MFSD11: variants seen among roughly 807,000 people sequenced by gnomAD.
MFSD11 encodes major facilitator superfamily domain containing 11.
In MFSD11, 36 loss-of-function variants were observed where a neutral mutation model predicts 53.5. The observed-to-expected ratio is 0.67, with a 90% CI of 0.52 to 0.89. MFSD11 has a LOEUF of 0.89. Among genes scored for constraint, MFSD11 ranks in the 40% least tolerant of loss-of-function variants. The pLI, the probability that MFSD11 is intolerant of heterozygous loss-of-function variation, is 0.00. For missense variants in MFSD11, 530 were observed against 543.9 expected (o/e 0.97, Z 0.25); for synonymous variants, 186 against 184.9 (o/e 1.01, Z -0.05).
chr17:76,757,374 C>T (rs925506427), intron 8 of MFSD11, among the ~76,000 whole-genome samples: 6 of 152,126 alleles, frequency 3.9e-5, no homozygotes, highest in African/African-American at 1.4e-4. Context: ...GACTCAGGGG[C>T]CAGTTCCTGG....
chr17:76,778,217 C>T lies in MFSD11; in HGVS notation c.1215C>T (p.Tyr405=), dbSNP rs145670401. ...TTTGCGCAGCCGTGGCATTTTTCTA[C>T]AGCAACTACCTTCTCCTTCACTGGC... ...QSICAAVAFF[Y]SNYLLLHWQL... is the part of the protein sequence containing the mutation. Residue 405 remains tyrosine, a synonymous_variant, in exon 13 of 13, where the codon TAC becomes TAT. Transcript: ENST00000685175. The T allele has an allele frequency of 2.5e-6, 4 of 1,614,206 alleles. No homozygotes were observed. In the African/African-American group the frequency reaches 4.0e-5, roughly 16 times the overall value.
chr17:76,777,748 A>G (rs2081977942), intron 12 of MFSD11, among the ~76,000 whole-genome samples: 1 of 152,180 alleles, frequency 6.6e-6, no homozygotes. Context: ...CCTTCCTTAG[A>G]TACCAGAATT....
In MFSD11 at chr17:76,778,743, C is replaced by T. The variant is rs685441; in HGVS notation, c.*391C>T. ...TTTCTGGATATGGAGTATGTTTTGC[C>T]ATGTAATAATGGGAAGCATATGTCA... On this transcript the variant is annotated 3_prime_UTR_variant, in exon 13 of 13. Transcript: ENST00000685175. The T allele has an allele frequency of 0.88, 146,415 of 166,898 alleles. 65,227 individuals are homozygous for T. Among genetic ancestry groups the T allele is most frequent in the African/African-American group, 0.97 (40,653 of 41,880 alleles). 10.3% of individuals were successfully genotyped at this position (166,898 alleles called of 1,614,324 possible).
chr17:76,768,334 A>G lies in MFSD11; in HGVS notation c.748+883A>G, dbSNP rs182922334. Among the ~76,000 whole-genome samples the G allele has an allele frequency of 5.1e-3, 779 of 151,560 alleles. 1 individual carries two copies. Among genetic ancestry groups the G allele is most frequent in the Non-Finnish European group, 8.4e-3 (572 of 67,896 alleles). Reference sequence around the variant, plus strand: ...AAAAAAAAAAAAAAAAGTCATTTCTAATGAAATAGAAGCATGTCATAATGT... The same window carrying G: ...AAAAAAAAAAAAAAAAGTCATTTCTGATGAAATAGAAGCATGTCATAATGT... On this transcript the variant is annotated intron_variant, in intron 9 of 12. Transcript: ENST00000685175.
chr17:76,771,062 T>C (rs1170811629), intron 10 of MFSD11, among the ~76,000 whole-genome samples: 1 of 152,172 alleles, frequency 6.6e-6, no homozygotes, highest in Non-Finnish European at 1.5e-5. Flanking sequence ...AAAACAATCA[T>C]TGGCCATTGG....
Position 76,741,046 on chromosome 17 carries a change from C to T in MFSD11, c.242C>T (p.Ala81Val), listed in dbSNP as rs2144094507. 2 of 1,606,498 alleles carry T rather than the reference C, an allele frequency of 1.2e-6. No homozygotes were observed. Among genetic ancestry groups the T allele is most frequent in the South Asian group, 2.2e-5 (2 of 90,886 alleles). The change falls in exon 3 of 13, where the codon GCC becomes GTC. Residue 81 changes from alanine (A) to valine (V), a missense_variant. By Grantham distance (64) the Ala-to-Val change is moderately conservative. Coordinates refer to ENST00000685175, the MANE Select transcript of MFSD11 (RefSeq NM_001242532.5). ...AIVGPQLSMF[A>V]SGLFYSMYIA... ...GTAGGACCTCAACTCTCTATGTTTG[C>T]CAGTGGTTTATTTTACAGGTAAGTA...
intron 8 of MFSD11, among the ~76,000 whole-genome samples, chr17:76,759,612 G>T (rs1034213685): frequency 1.3e-5 from 2 of 151,992 alleles, no homozygotes; most frequent in African/African-American, 4.8e-5. Context: ...GTAACACCAT[G>T]CCTGGCTAAT....
chr17:76,746,296 A>G (rs142338787), intron 7 of MFSD11, among the ~76,000 whole-genome samples: 1,711 of 152,342 alleles, frequency 0.011, 26 homozygotes, highest in Middle Eastern at 0.017. Flanking sequence ...ATTTGAAGCT[A>G]GCAGAGGTTG....
chr17:76,765,452 CTTTTTTTTTTTTTT>C (rs59878271), intron 8 of MFSD11, among the ~76,000 whole-genome samples: 6 of 91,498 alleles, frequency 6.6e-5, no homozygotes, highest in African/African-American at 1.4e-4. Context: ...CTTGAATTTC[CTTTTTTTTTTTTTT>C]TTTTTTTTTT....
intron 2 of MFSD11, among the ~76,000 whole-genome samples, chr17:76,739,960 A>C (rs2077896406): frequency 6.6e-6 from 1 of 151,770 alleles, no homozygotes; most frequent in African/African-American, 2.4e-5. Context: ...AGGTCAGGAG[A>C]TCTAGACCAT....
In MFSD11 at chr17:76,778,363, G is replaced by T. The variant is rs762068876; in HGVS notation, c.*11G>T. On this transcript the variant is annotated 3_prime_UTR_variant, in exon 13 of 13. Coordinates refer to ENST00000685175, the MANE Select transcript of MFSD11 (RefSeq NM_001242532.5). The stretch of plus-strand genomic sequence containing the variant: ...TACCGAAGTATCTGATCTGGTGTCC[G>T]TGAGGGGACACGTATGACCTCAGAA... 7 of 1,613,508 alleles carry T rather than the reference G, an allele frequency of 4.3e-6. No homozygotes were observed. Among genetic ancestry groups the T allele is most frequent in the South Asian group, 1.1e-5 (1 of 91,068 alleles).
At chr17:76,745,854 G>A (rs2078494750) in intron 7 of MFSD11, among the ~76,000 whole-genome samples, 1 of 151,658 alleles carries the variant, frequency 6.6e-6, no homozygotes, top group Admixed American at 6.6e-5. Flanking sequence ...TTGAGACGGA[G>A]TCTCGCTCTG....
At chr17:76,759,856 C>G (rs558791746) in intron 8 of MFSD11, among the ~76,000 whole-genome samples, 1 of 140,052 alleles carries the variant, frequency 7.1e-6, no homozygotes, top group Non-Finnish European at 1.5e-5. Context: ...CTCAAGTGAT[C>G]CACCCACCCG....
At chr17:76,768,512 C>T (rs2081079202) in intron 9 of MFSD11, among the ~76,000 whole-genome samples, 1 of 152,074 alleles carries the variant, frequency 6.6e-6, no homozygotes, top group South Asian at 2.1e-4. Flanking sequence ...CATTAAACAT[C>T]TTTAAAATTC....
At chr17:76,758,009 CA>C (rs566815395) in intron 8 of MFSD11, among the ~76,000 whole-genome samples, 3 of 136,652 alleles carry the variant, frequency 2.2e-5, no homozygotes, top group African/African-American at 2.7e-5. Flanking sequence ...GACTGTGTCT[CA>C]AAAAAAAAAC....
chr17:76,775,012 G>A lies in MFSD11; in HGVS notation c.890G>A (p.Gly297Asp). ...TGACTTATAGGTGGAAGCCTCTTCG[G>A]CCTGCTGAGCAAGAACAATCGTTTT... ...IGEILGGSLF[G>D]LLSKNNRFGR... Residue 297 changes from glycine (G) to aspartate (D), a missense_variant, in exon 11 of 13, where the codon GGC (glycine) becomes GAC (aspartate). By Grantham distance (94) the Gly-to-Asp change is moderately conservative. Transcript: ENST00000685175. 1 of 1,613,742 alleles carries A rather than the reference G, an allele frequency of 6.2e-7. No individual in the cohort carries two copies. The highest frequency in any genetic ancestry group is 1.3e-5 in the African/African-American group (1 of 75,030).
In MFSD11 at chr17:76,754,453, C is replaced by T. The variant is rs1282679149; in HGVS notation, c.682+366C>T. The stretch of plus-strand genomic sequence containing the variant: ...ATCTCAGCACTTTGGGAGTCCAAGG[C>T]AGGCGGATCACCTGAGGTCGGGAGT... On this transcript the variant is annotated intron_variant, in intron 8 of 12. Transcript: ENST00000685175. Among the ~76,000 whole-genome samples, 3 of 152,148 alleles carry T rather than the reference C, an allele frequency of 2.0e-5. No individual in the cohort carries two copies. The East Asian group carries it at 5.8e-4, about 29-fold the overall frequency.
chr17:76,775,314 C>G, intron 11 of MFSD11, 143 bp downstream of exon 11: 1 of 652,846 alleles, frequency 1.5e-6, no homozygotes, highest in Non-Finnish European at 2.4e-6. Context: ...TGGAGTCAGA[C>G]TGAGTTTAAA....
At chr17:76,737,405 A>C, upstream of MFSD11, 3 of 441,828 alleles carry the variant, frequency 6.8e-6, no homozygotes, top group South Asian at 4.6e-5. Flanking sequence ...CGGAAATGAA[A>C]CCTTCTGATT....
Sources: allele counts gnomAD v4.1 joint callset (sites outside exome capture counted in the v4.1 genomes callset), GRCh38; gene constraint gnomAD v4.1.1; transcripts MANE v1.5; gene names NCBI Gene and HGNC (gene_info 2026-07-23, HGNC 2026-07-21).